PRKD3: variants seen among roughly 807,000 people sequenced by gnomAD.
PRKD3 encodes protein kinase D3.
Under a neutral mutation model 99.2 loss-of-function variants are expected in PRKD3, and 47 were observed. That is an observed-to-expected ratio of 0.47 (90% CI 0.38 to 0.60). The LOEUF is 0.60. Ranked by LOEUF, PRKD3 falls within the 20% of genes least tolerant of loss-of-function variation. The probability of loss-of-function intolerance (pLI) is 0.00; values close to 1 mark genes in which losing one functional copy is unlikely to be tolerated. For synonymous variants in PRKD3, 392 were observed against 355.4 expected (o/e 1.10, Z -1.16); for missense variants, 1,019 against 1,088.4 (o/e 0.94, Z 0.90).
At chr2:37,299,152 T>C (rs77890695) in intron 2 of PRKD3, among the ~76,000 whole-genome samples, 1,765 of 152,314 alleles carry the variant, frequency 0.012, 29 homozygotes, top group African/African-American at 0.041. Flanking sequence ...TGTTGAATTT[T>C]ACTGAATGTT....
chr2:37,261,315 T>C (rs1225493193), intron 14 of PRKD3, among the ~76,000 whole-genome samples: 1 of 150,918 alleles, frequency 6.6e-6, no homozygotes, highest in African/African-American at 2.4e-5. Context: ...GGTGAAATCC[T>C]GTCTCTACCA....
intron 11 of PRKD3, among the ~76,000 whole-genome samples, chr2:37,272,982 G>A (rs924237608): frequency 6.6e-6 from 1 of 151,446 alleles, no homozygotes; most frequent in East Asian, 1.9e-4. Context: ...CCTGTCTCTT[G>A]GTGGGGGGAG....
At chr2:37,293,888 A>G (rs1670558993) in intron 2 of PRKD3, among the ~76,000 whole-genome samples, 1 of 152,202 alleles carries the variant, frequency 6.6e-6, no homozygotes, top group Admixed American at 6.5e-5. Flanking sequence ...AGTTGATTTT[A>G]TAACATGAAC....
chr2:37,314,613 A>T (rs1671578855), intron 2 of PRKD3, among the ~76,000 whole-genome samples: 1 of 152,156 alleles, frequency 6.6e-6, no homozygotes, highest in Admixed American at 6.5e-5. Context: ...AATATATACA[A>T]TTTTTTCTCA....
intron 16 of PRKD3, among the ~76,000 whole-genome samples, chr2:37,258,340 A>C (rs1440555104): frequency 6.6e-6 from 1 of 152,210 alleles, no homozygotes; most frequent in Non-Finnish European, 1.5e-5. Context: ...ACGAATACTG[A>C]GCCTGAAGAA....
At chr2:37,298,628 G>C (rs570470070) in intron 2 of PRKD3, among the ~76,000 whole-genome samples, 1 of 151,916 alleles carries the variant, frequency 6.6e-6, no homozygotes. Flanking sequence ...TTTCATTGTA[G>C]AGATCTTTCA....
intron 2 of PRKD3, among the ~76,000 whole-genome samples, chr2:37,307,584 T>C (rs544656063): frequency 8.5e-5 from 13 of 152,368 alleles, no homozygotes; most frequent in African/African-American, 3.1e-4. Flanking sequence ...AGCAGGTATG[T>C]GTTCTTTACC....
At chr2:37,261,355 C>T (rs1214068098) in intron 14 of PRKD3, among the ~76,000 whole-genome samples, 1 of 152,078 alleles carries the variant, frequency 6.6e-6, no homozygotes, top group Non-Finnish European at 1.5e-5. Flanking sequence ...GGTGTGGTGA[C>T]AGGTATCTGT....
At chr2:37,262,783 C>T (rs1553366931) in intron 14 of PRKD3, among the ~76,000 whole-genome samples, 1 of 152,088 alleles carries the variant, frequency 6.6e-6, no homozygotes, top group Non-Finnish European at 1.5e-5. Context: ...TTTACATTTT[C>T]TATTTCCTCT....
rs1242836821 is a variant in PRKD3, at chr2:37,279,808, C to G, written c.1110G>C (p.Met370Ile). 19 of 1,613,682 alleles carry G rather than the reference C, an allele frequency of 1.2e-5. No homozygotes were observed. Among genetic ancestry groups the G allele is most frequent in the Non-Finnish European group, 1.5e-5 (18 of 1,179,912 alleles). ...CGAGATCAGATGGATCCAAGAAGAA[C>G]ATCTTATCTTCTGGGGGTGATGGCT... ...TEEPSPPEDKMFFLDPSDLDV... is the reference protein window; with the variant it reads ...TEEPSPPEDKIFFLDPSDLDV... Residue 370 changes from methionine to isoleucine, a missense_variant, in exon 8 of 19, where the codon ATG (methionine) becomes ATC (isoleucine). Met to Ile is a conservative substitution (Grantham distance 10). Around this residue, in one of 3 missense-constraint regions of PRKD3, gnomAD observed 710 missense variants for 692.7 expected, o/e 1.02. Coordinates refer to ENST00000234179, the MANE Select transcript of PRKD3 (RefSeq NM_005813.6).
At chr2:37,321,420 C>G (rs548302482) in intron 1 of PRKD3, among the ~76,000 whole-genome samples, 5 of 152,298 alleles carry the variant, frequency 3.3e-5, no homozygotes, top group African/African-American at 9.6e-5. Context: ...AGAGGACTTA[C>G]TTGAGGATTA....
At chr2:37,309,958 T>C (rs1351046135) in intron 2 of PRKD3, among the ~76,000 whole-genome samples, 2 of 151,242 alleles carry the variant, frequency 1.3e-5, no homozygotes, top group Non-Finnish European at 2.9e-5. Context: ...GAACAGAAGA[T>C]AAAATAAATC....
intron 14 of PRKD3, among the ~76,000 whole-genome samples, chr2:37,266,956 A>G (rs1409778745): frequency 1.3e-5 from 2 of 152,240 alleles, no homozygotes; most frequent in African/African-American, 4.8e-5. Context: ...TGCTAGATGA[A>G]AAACACATAG....
At chr2:37,315,881 T>C (rs1368125250) in intron 2 of PRKD3, among the ~76,000 whole-genome samples, 3 of 152,134 alleles carry the variant, frequency 2.0e-5, no homozygotes, top group Non-Finnish European at 4.4e-5. Flanking sequence ...CCTGCCACCA[T>C]GTTTGGCTAA....
chr2:37,282,364 G>A (rs188077039), intron 7 of PRKD3, 178 bp downstream of exon 7: 28 of 548,518 alleles, frequency 5.1e-5, no homozygotes, highest in East Asian at 4.9e-4. Context: ...ACGGGAAGGC[G>A]TGATTACTAA....
At position 37,254,215 on chromosome 2, in the gene PRKD3, G is replaced by A. The variant is rs770450325; in HGVS notation, c.2488C>T (p.Pro830Ser). The A allele has an allele frequency of 5.0e-6, 8 of 1,609,852 alleles. No homozygotes were observed. The highest frequency in any genetic ancestry group is 6.8e-6 in the Non-Finnish European group (8 of 1,176,208). Reference protein sequence around the residue: ...RYSVDKSLSHPWLQDYQTWLD... With the variant: ...RYSVDKSLSHSWLQDYQTWLD... ...ACATTTTTTTTTACCTGTAGCCAGG[G>A]ATGACTAAGAGATTTGTCAACACTG... is the stretch of plus-strand genomic sequence containing the variant. The change falls in exon 18 of 19, where the codon CCC becomes TCC. Residue 830 changes from proline to serine, a missense_variant. By Grantham distance (74) the Pro-to-Ser change is moderately conservative (BLOSUM62 -1). Coordinates refer to ENST00000234179, the MANE Select transcript of PRKD3 (RefSeq NM_005813.6).
chr2:37,268,719 C>T, intron 13 of PRKD3: 1 of 171,374 alleles, frequency 5.8e-6, no homozygotes, highest in Non-Finnish European at 1.2e-5. Context: ...GGAGAAGGAG[C>T]AGAGAGGCAA....
chr2:37,297,413 C>A (rs1437373963), intron 2 of PRKD3, among the ~76,000 whole-genome samples: 1 of 151,814 alleles, frequency 6.6e-6, no homozygotes, highest in African/African-American at 2.4e-5. Context: ...TACCCCATAC[C>A]CAGTTTCCCC....
In PRKD3 at chr2:37,304,357, G is replaced by A. The variant is rs181295501; in HGVS notation, c.289-11086C>T. ...TGTTTCTAAATACAGACATAAGGAC[G>A]ATAGCTGAGTCAATTAGAAAATGAC... On this transcript the variant is annotated intron_variant, in intron 2 of 18. Transcript: ENST00000234179. 3.5e-4 allele frequency among the ~76,000 whole-genome samples: 53 copies of A among 152,080 alleles called. 1 individual carries two copies. The highest frequency in any genetic ancestry group is 1.3e-3 in the African/African-American group (53 of 41,396).
Sources: allele counts gnomAD v4.1 joint callset (sites outside exome capture counted in the v4.1 genomes callset), GRCh38; gene constraint gnomAD v4.1.1; regional missense constraint gnomAD v4.1.1; transcripts MANE v1.5; gene names NCBI Gene and HGNC (gene_info 2026-07-23, HGNC 2026-07-21).